Variants in EIF2S3 observed in about 807,000 individuals in gnomAD.
EIF2S3 encodes eukaryotic translation initiation factor 2 subunit gamma, also known as eukaryotic translation initiation factor 2 subunit 3.
Under a neutral mutation model 31.7 loss-of-function variants are expected in EIF2S3, and 2 were observed. The observed-to-expected ratio is 0.06, with a 90% CI of 0.03 to 0.20. The LOEUF (loss-of-function observed/expected upper bound fraction) is 0.20, where lower values mean the gene tolerates loss of function less well. Among genes scored for constraint, EIF2S3 ranks in the 10% least tolerant of loss-of-function variants. The pLI, the probability that EIF2S3 is intolerant of heterozygous loss-of-function variation, is 1.00. For synonymous variants in EIF2S3, 120 were observed against 126.7 expected, an observed-to-expected ratio of 0.95 and a Z score of 0.36; for missense variants, 96 against 359.3, an observed-to-expected ratio of 0.27 and a Z score of 5.92.
intron 8 of EIF2S3, among the ~76,000 whole-genome samples, chrX:24,067,505 T>TTC (rs1468987981): frequency 1.8e-5 from 2 of 108,205 alleles, no homozygotes; most frequent in Non-Finnish European, 3.8e-5. Flanking sequence ...TTTTTTTTTT[T>TTC]TTTTTTTAAG....
At chrX:24,068,856 T>A (rs1930618161) in intron 9 of EIF2S3, among the ~76,000 whole-genome samples, 2 of 111,804 alleles carry the variant, frequency 1.8e-5, no homozygotes, top group Non-Finnish European at 3.8e-5. Context: ...TAAATTTCTT[T>A]GTGTAGCAAT....
Position 24,071,841 on chromosome X carries a change from G to A in EIF2S3, c.1182+114G>A. The A allele has an allele frequency of 9.0e-6, 8 of 886,215 alleles. No homozygotes were observed. In the South Asian group the frequency reaches 1.8e-4, roughly 20 times the overall value. The allele number at this position is 886,215 out of a possible 1,213,427, so 73.0% of individuals were successfully genotyped here. On this transcript the variant is annotated intron_variant, in intron 10 of 11. Transcript: ENST00000253039. ...CATGAAATTAAGAAAAAAAGAAAAG[G>A]TAAATAAATTTGACCTCCCCAAAAT...
At chrX:24,076,399 T>C (rs183556075) in intron 11 of EIF2S3, among the ~76,000 whole-genome samples, 1,363 of 110,603 alleles carry the variant, frequency 0.012, 31 homozygotes, top group African/African-American at 0.043. Context: ...CCGGGCATGG[T>C]GGCGCATGCC....
chrX:24,062,248 G>C (rs1167071066), intron 5 of EIF2S3, among the ~76,000 whole-genome samples, 168 bp from the exon 6 acceptor site: 1 of 110,789 alleles, frequency 9.0e-6, no homozygotes, highest in Non-Finnish European at 1.9e-5. Flanking sequence ...CAGAACTTTT[G>C]TATCACCGCA....
intron 4 of EIF2S3, 128 bp from the exon 5 acceptor site, chrX:24,059,960 G>A (rs1930466226): frequency 1.8e-5 from 9 of 487,174 alleles, no homozygotes; most frequent in Non-Finnish European, 3.1e-5. Flanking sequence ...TTCTAGAAAC[G>A]ACAAGCCCTG....
intron 5 of EIF2S3, among the ~76,000 whole-genome samples, chrX:24,061,602 T>G (rs1261379846): frequency 9.1e-6 from 1 of 110,293 alleles, no homozygotes; most frequent in Non-Finnish European, 1.9e-5. Context: ...GCCATGTTGG[T>G]ATAGTCAGGA....
chrX:24,064,685 T>G (rs1408659515), intron 7 of EIF2S3, among the ~76,000 whole-genome samples: 1 of 111,481 alleles, frequency 9.0e-6, no homozygotes, highest in East Asian at 2.8e-4. Context: ...AAAAATTAAC[T>G]GGGCATGGTG....
intron 5 of EIF2S3, chrX:24,060,385 G>A: frequency 2.5e-6 from 1 of 399,036 alleles, no homozygotes; most frequent in Non-Finnish European, 4.4e-6. Context: ...CTGATAGCTT[G>A]CGAGAATTCT....
Position 24,076,933 on chromosome X carries a change from T to C in EIF2S3, c.*148T>C. 5.4e-6 allele frequency: 2 copies of C among 369,117 alleles called. No individual in the cohort carries two copies. The highest frequency in any genetic ancestry group is 9.7e-5 in the East Asian group (2 of 20,559). 30.4% of individuals were successfully genotyped at this position (369,117 alleles called of 1,213,427 possible). A position where few individuals can be genotyped will look rare whatever the true frequency, so the allele number is the denominator to read the frequency against. On this transcript the variant is annotated 3_prime_UTR_variant, in exon 12 of 12. Transcript: ENST00000253039. ...TAACGGTAAGGTTATTCTCTTTTTT[T>C]TTTTTTTTTTTTTTGGTTATGAAAA...
At chrX:24,065,969 A>C in intron 7 of EIF2S3, 29 bp from the exon 8 acceptor site, 1 of 1,112,050 alleles carries the variant, frequency 9.0e-7, no homozygotes, top group Non-Finnish European at 1.2e-6. Flanking sequence ...TAAGATTAAC[A>C]GAACTGACTT....
At chrX:24,062,920 C>T (rs1317034520) in intron 6 of EIF2S3, among the ~76,000 whole-genome samples, 3 of 111,852 alleles carry the variant, frequency 2.7e-5, no homozygotes, top group Non-Finnish European at 5.6e-5. Flanking sequence ...GAACAGCTTT[C>T]AGATTTGGAA....
intron 7 of EIF2S3, among the ~76,000 whole-genome samples, chrX:24,065,613 A>C (rs2147128263): frequency 8.9e-6 from 1 of 111,757 alleles, no homozygotes; most frequent in East Asian, 2.8e-4. Context: ...GGGAAAAAAA[A>C]ATCCATATAC....
At chrX:24,069,721 C>T (rs1367236023) in intron 9 of EIF2S3, among the ~76,000 whole-genome samples, 1 of 73,443 alleles carries the variant, frequency 1.4e-5, no homozygotes, top group African/African-American at 5.6e-5. Context: ...GGCAGAGTCT[C>T]ATTCTGCCAC....
chrX:24,055,185 G>T, intron 1 of EIF2S3, 148 bp downstream of exon 1: 11 of 622,220 alleles, frequency 1.8e-5, no homozygotes, highest in Non-Finnish European at 2.7e-5. Flanking sequence ...CCTAAGCCAT[G>T]CTCGCGCCGC....
chrX:24,074,567 G>T (rs747317813), intron 11 of EIF2S3, among the ~76,000 whole-genome samples: 16 of 111,452 alleles, frequency 1.4e-4, no homozygotes, highest in Middle Eastern at 9.3e-3. Flanking sequence ...GATGATTCTT[G>T]CCTGAATCGA....
At chrX:24,063,034 G>A (rs1930516436) in intron 6 of EIF2S3, among the ~76,000 whole-genome samples, 2 of 111,056 alleles carry the variant, frequency 1.8e-5, no homozygotes, top group African/African-American at 3.3e-5. Context: ...ATCTGAGGTC[G>A]GAAGTTCGAG....
At chrX:24,061,729 G>A (rs1221900635) in intron 5 of EIF2S3, among the ~76,000 whole-genome samples, 3 of 111,143 alleles carry the variant, frequency 2.7e-5, no homozygotes, top group African/African-American at 9.8e-5. Flanking sequence ...TCCCTCAGTT[G>A]AAGAGTAGCC....
At chrX:24,063,211 C>G (rs1329897051) in intron 6 of EIF2S3, among the ~76,000 whole-genome samples, 2 of 112,211 alleles carry the variant, frequency 1.8e-5, no homozygotes, top group South Asian at 3.7e-4. Context: ...CCATTGCACT[C>G]CAGCCTGGGC....
At chrX:24,064,923 T>C (rs1286081303) in intron 7 of EIF2S3, among the ~76,000 whole-genome samples, 3 of 112,297 alleles carry the variant, frequency 2.7e-5, no homozygotes, top group Non-Finnish European at 5.6e-5. Flanking sequence ...GGAATCATAA[T>C]GTTTTAGGGT....
Sources: allele counts gnomAD v4.1 joint callset (sites outside exome capture counted in the v4.1 genomes callset), GRCh38; gene constraint gnomAD v4.1.1; transcripts MANE v1.5; gene names NCBI Gene and HGNC (gene_info 2026-07-23, HGNC 2026-07-21).